The following NEDD4 variants were observed in gnomAD, a reference collection of about 807,000 sequenced individuals.
The protein encoded by NEDD4 is NEDD4 E3 ubiquitin protein ligase.
A neutral mutation model predicts 144.9 loss-of-function variants in NEDD4; 99 were observed. That is an observed-to-expected ratio of 0.68 (90% CI 0.58 to 0.81). NEDD4 has a LOEUF of 0.81. Among genes scored for constraint, NEDD4 ranks in the 30% least tolerant of loss-of-function variants. NEDD4 has a pLI of 0.00. For synonymous variants in NEDD4, 318 were observed against 350.6 expected (o/e 0.91, Z 1.04); for missense variants, 985 against 1,065.9 (o/e 0.92, Z 1.06).
intron 5 of NEDD4, among the ~76,000 whole-genome samples, chr15:55,896,549 A>G (rs1364028371): frequency 1.3e-5 from 2 of 152,078 alleles, no homozygotes; most frequent in Non-Finnish European, 2.9e-5. Context: ...CTGTAATTCT[A>G]CTTCCCTTTG....
chr15:55,889,360 G>A (rs1485256395), intron 5 of NEDD4, among the ~76,000 whole-genome samples: 1 of 152,166 alleles, frequency 6.6e-6, no homozygotes, highest in Non-Finnish European at 1.5e-5. Context: ...AGAAAATACG[G>A]TACATATACA....
At chr15:55,896,946 T>C (rs1265974632) in intron 5 of NEDD4, among the ~76,000 whole-genome samples, 2 of 151,882 alleles carry the variant, frequency 1.3e-5, no homozygotes, top group Non-Finnish European at 2.9e-5. Flanking sequence ...TTTATGAATA[T>C]ACAATTTATA....
chr15:55,931,589 AAC>A (rs1435767104), intron 4 of NEDD4, among the ~76,000 whole-genome samples: 2 of 152,240 alleles, frequency 1.3e-5, no homozygotes, highest in African/African-American at 4.8e-5. Context: ...TGCATAAAAC[AAC>A]AGAGGAAAAA....
rs1377683968 is a variant in NEDD4, at chr15:55,916,469, A to G, written c.291+8177T>C. The G allele has an allele frequency of 5.0e-6, 8 of 1,614,062 alleles. No individual in the cohort carries two copies. The South Asian group carries it at 7.7e-5, about 16-fold the overall frequency. On this transcript the variant is annotated intron_variant, in intron 5 of 28. Transcript: ENST00000435532. ...TATCGACCACAGCACTACTGTAAAT[A>G]CCATCCTTCAAGATACAAGTAAACG...
chr15:55,876,911 C>T (rs962951389), intron 5 of NEDD4, among the ~76,000 whole-genome samples: 80 of 148,326 alleles, frequency 5.4e-4, no homozygotes, highest in African/African-American at 1.9e-3. Flanking sequence ...TGCCATCTTA[C>T]GCAGGATGGT....
At chr15:55,881,211 G>A (rs1217069689) in intron 5 of NEDD4, among the ~76,000 whole-genome samples, 4 of 149,100 alleles carry the variant, frequency 2.7e-5, no homozygotes, top group Non-Finnish European at 5.9e-5. Context: ...GCGTGATCTC[G>A]GCTCACTGCA....
At chr15:55,931,342 A>T (rs1422884833) in intron 4 of NEDD4, among the ~76,000 whole-genome samples, 2 of 152,206 alleles carry the variant, frequency 1.3e-5, no homozygotes, top group Non-Finnish European at 2.9e-5. Flanking sequence ...AGGAGGGAGG[A>T]CAGAACACCA....
At chr15:55,876,351 AG>A (rs1377255832) in intron 5 of NEDD4, among the ~76,000 whole-genome samples, 2 of 151,780 alleles carry the variant, frequency 1.3e-5, no homozygotes, top group African/African-American at 4.8e-5. Context: ...ATGTGGGTAA[AG>A]TTTTTTTTTT....
At chr15:55,949,303 A>C (rs557960932) in intron 4 of NEDD4, among the ~76,000 whole-genome samples, 4 of 152,214 alleles carry the variant, frequency 2.6e-5, no homozygotes, top group Non-Finnish European at 5.9e-5. Context: ...AGGAAACAAC[A>C]GGAGCTGGAG....
intron 7 of NEDD4, among the ~76,000 whole-genome samples, chr15:55,871,368 G>A (rs1324786354): frequency 6.6e-6 from 1 of 152,130 alleles, no homozygotes; most frequent in Non-Finnish European, 1.5e-5. Context: ...TCTGAATAAA[G>A]TTCTTTCTAC....
intron 5 of NEDD4, among the ~76,000 whole-genome samples, chr15:55,887,628 A>G (rs1473744709): frequency 6.6e-6 from 1 of 152,200 alleles, no homozygotes; most frequent in Non-Finnish European, 1.5e-5. Flanking sequence ...TTCCAAACTT[A>G]TCATATGAAG....
intron 11 of NEDD4, among the ~76,000 whole-genome samples, chr15:55,858,745 C>A (rs1176193775): frequency 6.6e-6 from 1 of 152,186 alleles, no homozygotes; most frequent in African/African-American, 2.4e-5. Context: ...TTCATATTCA[C>A]GTACAACTAT....
At chr15:55,900,473 A>G (rs16976638) in intron 5 of NEDD4, among the ~76,000 whole-genome samples, 21,843 of 152,164 alleles carry the variant, frequency 0.14, 1,714 homozygotes, top group East Asian at 0.36. Flanking sequence ...AGCTTGCTCC[A>G]AAATTATGGT....
chr15:55,847,016 C>T lies in NEDD4; in HGVS notation c.1561G>A (p.Asp521Asn), dbSNP rs1236003794. Residue 521 changes from aspartate (D) to asparagine (N), a missense_variant, in exon 18 of 29, where the codon GAT (aspartate) becomes AAT (asparagine). Asp to Asn is a conservative substitution (Grantham distance 23, BLOSUM62 1). Transcript: ENST00000435532. ...AAGAACTCATACTTTCTTTTGTAAT[C>T]CCTGGAGTAGGGCACTGCCTTTAGT... ...ITGPAVPYSR[D>N]YKRKYEFFRR... The T allele has an allele frequency of 6.2e-7, 1 of 1,609,780 alleles. No individual in the cohort carries two copies. Among genetic ancestry groups the T allele is most frequent in the African/African-American group, 1.3e-5 (1 of 74,784 alleles).
intron 4 of NEDD4, among the ~76,000 whole-genome samples, chr15:55,928,263 C>T (rs145556884): frequency 0.025 from 3,863 of 152,292 alleles, 64 homozygotes; most frequent in Non-Finnish European, 0.039. Flanking sequence ...CCACCCACCT[C>T]GGCCTCCCAA....
At chr15:55,906,631 G>A (rs1174737313) in intron 5 of NEDD4, among the ~76,000 whole-genome samples, 2 of 151,324 alleles carry the variant, frequency 1.3e-5, no homozygotes, top group African/African-American at 2.4e-5. Flanking sequence ...GGGGCCTGTT[G>A]TGGGGTGGGG....
At chr15:55,852,330 T>G in intron 13 of NEDD4, 94 bp downstream of exon 13, 1 of 1,307,694 alleles carries the variant, frequency 7.6e-7, no homozygotes, top group Non-Finnish European at 1.0e-6. Context: ...GTGGTAGAAG[T>G]ATCCAGTGTA....
chr15:55,904,012 A>G (rs1318521672), intron 5 of NEDD4, among the ~76,000 whole-genome samples: 2 of 151,704 alleles, frequency 1.3e-5, no homozygotes, highest in Non-Finnish European at 2.9e-5. Context: ...ACACAAAAAA[A>G]TTAGTCAGAT....
chr15:55,843,076 C>G (rs1349836140), intron 18 of NEDD4, among the ~76,000 whole-genome samples: 1 of 152,218 alleles, frequency 6.6e-6, no homozygotes, highest in Non-Finnish European at 1.5e-5. Context: ...TTTCTATGCA[C>G]AAGCTCTCTC....
Sources: allele counts gnomAD v4.1 joint callset (sites outside exome capture counted in the v4.1 genomes callset), GRCh38; gene constraint gnomAD v4.1.1; transcripts MANE v1.5; gene names NCBI Gene and HGNC (gene_info 2026-07-23, HGNC 2026-07-21).